Variants in ZNF280D observed in about 807,000 individuals in gnomAD.
The protein encoded by ZNF280D is zinc finger protein 280D, also known as suppressor of hairy wing homolog 4.
A neutral mutation model predicts 94.7 loss-of-function variants in ZNF280D; 39 were observed. That is an observed-to-expected ratio of 0.41 (90% CI 0.32 to 0.54). The LOEUF is 0.54. ZNF280D is among the 20% of genes least tolerant of loss of function. The pLI, the probability that ZNF280D is intolerant of heterozygous loss-of-function variation, is 0.22. For missense variants in ZNF280D, 1,090 were observed against 1,149.3 expected (o/e 0.95, Z 0.75); for synonymous variants, 398 against 377.6 (o/e 1.05, Z -0.63).
chr15:56,707,911 T>G (rs2057512742), intron 1 of ZNF280D, among the ~76,000 whole-genome samples: 1 of 151,826 alleles, frequency 6.6e-6, no homozygotes, highest in African/African-American at 2.4e-5. Context: ...GTCAATAATT[T>G]ATTTGGCTTT....
At chr15:56,680,665 T>C (rs1475929148) in intron 10 of ZNF280D, among the ~76,000 whole-genome samples, 1 of 136,574 alleles carries the variant, frequency 7.3e-6, no homozygotes, top group African/African-American at 3.6e-5. Flanking sequence ...TTTGTAGAGA[T>C]GAGGTTTCAC....
At chr15:56,643,237 T>TA (rs1443219616) in intron 19 of ZNF280D, 4 of 275,442 alleles carry the variant, frequency 1.5e-5, no homozygotes, top group Non-Finnish European at 2.7e-5. Flanking sequence ...CCTTGTTCTC[T>TA]AAAAACAAGG....
At position 56,654,505 on chromosome 15, in the gene ZNF280D, T is replaced by TAAA; in HGVS notation, c.2058-5_2058-3dup. 8.0e-7 allele frequency: 1 copy of TAAA among 1,242,992 alleles called. No homozygotes were observed. The highest frequency in any genetic ancestry group is 3.0e-5 in the East Asian group (1 of 33,602). 77.0% of individuals were successfully genotyped at this position (1,242,992 alleles called of 1,614,324 possible). On this transcript the variant is annotated splice_region_variant and splice_polypyrimidine_tract_variant and intron_variant, in intron 17 of 21. Transcript: ENST00000267807. Reference sequence around the variant, plus strand: ...TTAAGGCACACTAGAGTAATGCCCCTAAAAAAAAAAGCATTAAAAAAAGAT... The same window carrying TAAA: ...TTAAGGCACACTAGAGTAATGCCCCTAAAAAAAAAAAAAGCATTAAAAAAAGAT...
At position 56,682,433 on chromosome 15, in the gene ZNF280D, T is replaced by G; in HGVS notation, c.825A>C (p.Lys275Asn). 1.3e-6 allele frequency: 2 copies of G among 1,579,026 alleles called. No individual in the cohort carries two copies. The highest frequency in any genetic ancestry group is 1.7e-6 in the Non-Finnish European group (2 of 1,170,468). Residue 275 changes from lysine (K) to asparagine (N), a missense_variant, in exon 10 of 22, where the codon AAA (lysine) becomes AAC (asparagine). By Grantham distance (94) the Lys-to-Asn change is moderately conservative. Coordinates refer to ENST00000267807, the MANE Select transcript of ZNF280D (RefSeq NM_017661.4). ...DMINNFLGLAKTEFSSTVNKN... is the reference protein window; with the variant it reads ...DMINNFLGLANTEFSSTVNKN... ...TATTTACTGTACTTGAAAATTCTGT[T>G]TTAGCCAGTCCCAAAAAGTTATTTA...
intron 1 of ZNF280D, among the ~76,000 whole-genome samples, chr15:56,709,759 C>CA (rs1381820142): frequency 6.6e-6 from 1 of 151,250 alleles, no homozygotes; most frequent in Non-Finnish European, 1.5e-5. Context: ...ATCACAAGGA[C>CA]AAAAAAACAA....
intron 16 of ZNF280D, among the ~76,000 whole-genome samples, chr15:56,659,463 A>T (rs2053774037): frequency 6.6e-6 from 1 of 152,090 alleles, no homozygotes; most frequent in Non-Finnish European, 1.5e-5. Flanking sequence ...AGAGAGACAG[A>T]CTACGTTCAT....
At chr15:56,656,483 T>C (rs2053562976) in intron 17 of ZNF280D, among the ~76,000 whole-genome samples, 1 of 152,172 alleles carries the variant, frequency 6.6e-6, no homozygotes, top group Non-Finnish European at 1.5e-5. Flanking sequence ...ATTCTTAGAA[T>C]GCAATAAAAC....
rs551351472 is a variant in ZNF280D, at chr15:56,723,261, GA to G, written c.-86+10196del. Among the ~76,000 whole-genome samples, 50 of 148,934 alleles carry G rather than the reference GA, an allele frequency of 3.4e-4. No individual in the cohort carries two copies. The South Asian group carries it at 8.4e-3, about 25-fold the overall frequency. Reference sequence around the variant, plus strand: ...AAATAAATAAATAAATAATCAAAGTGAAAAAAATGTGGTGTATCAATACAAT... The same window carrying G: ...AAATAAATAAATAAATAATCAAAGTGAAAAAATGTGGTGTATCAATACAAT... On this transcript the variant is annotated intron_variant, in intron 1 of 21. Transcript: ENST00000267807.
intron 1 of ZNF280D, among the ~76,000 whole-genome samples, chr15:56,727,743 G>A (rs1187930682): frequency 1.3e-5 from 2 of 152,158 alleles, no homozygotes; most frequent in African/African-American, 4.8e-5. Context: ...TTAACACAAA[G>A]ATAGACAGCA....
intron 19 of ZNF280D, chr15:56,652,640 T>C (rs1384216251): frequency 4.1e-6 from 4 of 985,190 alleles, no homozygotes; most frequent in Non-Finnish European, 4.8e-6. Flanking sequence ...TTTAACATGT[T>C]ACCTTTACCC....
intron 9 of ZNF280D, among the ~76,000 whole-genome samples, chr15:56,686,091 C>T (rs1431032981): frequency 1.3e-5 from 2 of 152,106 alleles, no homozygotes; most frequent in African/African-American, 4.8e-5. Context: ...ACCATTAAAA[C>T]CAAGAAAAGG....
At chr15:56,685,567 C>CAATAT (rs2055946215) in intron 9 of ZNF280D, among the ~76,000 whole-genome samples, 1 of 152,046 alleles carries the variant, frequency 6.6e-6, no homozygotes, top group Non-Finnish European at 1.5e-5. Flanking sequence ...TAAACAAATG[C>CAATAT]TCAGACAATA....
At chr15:56,689,993 G>A (rs915743189) in intron 7 of ZNF280D, among the ~76,000 whole-genome samples, 4 of 152,108 alleles carry the variant, frequency 2.6e-5, no homozygotes, top group Admixed American at 1.3e-4. Context: ...AGGTAAGAGC[G>A]GTCTACTCAT....
At chr15:56,669,161 T>C (rs941990064) in intron 13 of ZNF280D, among the ~76,000 whole-genome samples, 22 of 152,052 alleles carry the variant, frequency 1.4e-4, no homozygotes, top group Non-Finnish European at 2.8e-4. Context: ...TTCGCTACTA[T>C]GTAAGAACTG....
At chr15:56,720,636 T>C (rs2058306324) in intron 1 of ZNF280D, among the ~76,000 whole-genome samples, 1 of 152,206 alleles carries the variant, frequency 6.6e-6, no homozygotes, top group Non-Finnish European at 1.5e-5. Flanking sequence ...CAAAATGTTA[T>C]TTCTTAAATA....
chr15:56,702,291 C>G (rs865965894), intron 4 of ZNF280D, among the ~76,000 whole-genome samples: 1 of 152,156 alleles, frequency 6.6e-6, no homozygotes, highest in African/African-American at 2.4e-5. Flanking sequence ...AGAGCTATTG[C>G]TGTAGTACTA....
At chr15:56,680,633 C>T (rs1048310302) in intron 10 of ZNF280D, among the ~76,000 whole-genome samples, 22 of 150,352 alleles carry the variant, frequency 1.5e-4, no homozygotes, top group Non-Finnish European at 2.4e-4. Flanking sequence ...CACGTCACCA[C>T]GCCCGGCAAA....
intron 1 of ZNF280D, chr15:56,724,751 A>G (rs2058548064): frequency 3.4e-6 from 1 of 298,190 alleles, no homozygotes; most frequent in African/African-American, 2.2e-5. Flanking sequence ...AATAAAAGAA[A>G]TCAAAGAATA....
chr15:56,635,620 A>G (rs2052316804), intron 20 of ZNF280D: 1 of 152,798 alleles, frequency 6.5e-6, no homozygotes, highest in South Asian at 2.1e-4. Context: ...ATGCATCCAC[A>G]GTATTTTATA....
Sources: allele counts gnomAD v4.1 joint callset (sites outside exome capture counted in the v4.1 genomes callset), GRCh38; gene constraint gnomAD v4.1.1; transcripts MANE v1.5; gene names NCBI Gene and HGNC (gene_info 2026-07-23, HGNC 2026-07-21).